Variants in KCNH1 observed in about 807,000 individuals in gnomAD.
KCNH1 encodes the protein potassium voltage-gated channel subfamily H member 1, also known as voltage-gated delayed rectifier potassium channel KCNH1.
Under a neutral mutation model 69.2 loss-of-function variants are expected in KCNH1, and 27 were observed. The observed-to-expected ratio is 0.39, with a 90% CI of 0.29 to 0.54. The LOEUF is 0.54. Among genes scored for constraint, KCNH1 ranks in the 20% least tolerant of loss-of-function variants. KCNH1 has a pLI of 0.68. For synonymous variants in KCNH1, 456 were observed against 487.7 expected, an observed-to-expected ratio of 0.93 and a Z score of 0.86; for missense variants, 798 against 1,261.6, an observed-to-expected ratio of 0.63 and a Z score of 5.57.
At chr1:211,119,822 T>C (rs1315926156) in intron 1 of KCNH1, among the ~76,000 whole-genome samples, 1 of 152,240 alleles carries the variant, frequency 6.6e-6, no homozygotes, top group Non-Finnish European at 1.5e-5. Flanking sequence ...CCTACAGAAA[T>C]ACATTTTTTA....
At chr1:210,963,527 G>A (rs931732630) in intron 6 of KCNH1, among the ~76,000 whole-genome samples, 1 of 152,070 alleles carries the variant, frequency 6.6e-6, no homozygotes, top group Non-Finnish European at 1.5e-5. Context: ...ATGCAAGGAA[G>A]CTAAGAACCT....
intron 7 of KCNH1, among the ~76,000 whole-genome samples, chr1:210,836,867 C>T (rs1431530689): frequency 1.3e-5 from 2 of 152,142 alleles, no homozygotes; most frequent in Admixed American, 6.6e-5. Context: ...AAAGCTGGAA[C>T]CACTGCTTCA....
chr1:210,742,615 T>C lies in KCNH1; in HGVS notation c.2112+32733A>G, dbSNP rs182842251. Among the ~76,000 whole-genome samples the C allele has an allele frequency of 3.9e-5, 6 of 152,278 alleles. No homozygotes were observed. In the East Asian group the frequency reaches 9.7e-4, roughly 24 times the overall value. On this transcript the variant is annotated intron_variant, in intron 10 of 10. Transcript: ENST00000271751. ...TCTTAGACTACTGCCTCATGCACTTTCCCAGAAAAGAATGATAAATTCAAA... is the reference window on the plus strand; with the variant it reads ...TCTTAGACTACTGCCTCATGCACTTCCCCAGAAAAGAATGATAAATTCAAA...
intron 7 of KCNH1, among the ~76,000 whole-genome samples, chr1:210,806,836 A>AAAAATATATATATATATATATAT (rs1553346591): frequency 1.2e-5 from 1 of 85,642 alleles, no homozygotes; most frequent in Non-Finnish European, 2.2e-5. Flanking sequence ...AAAAAAAAAA[A>AAAAATATATATATATATATATAT]ATATATATAT....
At chr1:211,090,966 C>T (rs989424292) in intron 3 of KCNH1, among the ~76,000 whole-genome samples, 31 of 151,964 alleles carry the variant, frequency 2.0e-4, no homozygotes, top group Non-Finnish European at 2.9e-5. Flanking sequence ...GGTTGAGAAC[C>T]CCACCAGATG....
intron 6 of KCNH1, among the ~76,000 whole-genome samples, chr1:210,946,001 G>A (rs1375072856): frequency 6.6e-6 from 1 of 152,150 alleles, no homozygotes; most frequent in Non-Finnish European, 1.5e-5. Flanking sequence ...AGGAACTACT[G>A]TGTCCTCAGC....
intron 7 of KCNH1, among the ~76,000 whole-genome samples, chr1:210,871,986 GT>G (rs1686259336): frequency 6.6e-6 from 1 of 151,406 alleles, no homozygotes; most frequent in Non-Finnish European, 1.5e-5. Flanking sequence ...GCACCAGCAT[GT>G]CACATGTATA....
chr1:210,942,429 C>T (rs1186138059), intron 6 of KCNH1, among the ~76,000 whole-genome samples: 1 of 152,088 alleles, frequency 6.6e-6, no homozygotes, highest in Non-Finnish European at 1.5e-5. Context: ...AGGGCTAATG[C>T]CCATAAAAGT....
At chr1:210,962,761 G>A (rs1262738720) in intron 6 of KCNH1, among the ~76,000 whole-genome samples, 2 of 151,438 alleles carry the variant, frequency 1.3e-5, no homozygotes, top group African/African-American at 2.4e-5. Context: ...CTCTAGGCAT[G>A]AGTCTCATAC....
intron 7 of KCNH1, among the ~76,000 whole-genome samples, chr1:210,810,532 AGATT>A (rs1482918217): frequency 6.6e-6 from 1 of 152,022 alleles, no homozygotes; most frequent in African/African-American, 2.4e-5. Context: ...TTGGACTCCT[AGATT>A]GATCTCATTT....
chr1:210,930,577 G>A (rs1300830709), intron 6 of KCNH1, among the ~76,000 whole-genome samples: 1 of 151,970 alleles, frequency 6.6e-6, no homozygotes, highest in Non-Finnish European at 1.5e-5. Flanking sequence ...AAACCATAAA[G>A]AGTCTAGAAG....
intron 10 of KCNH1, among the ~76,000 whole-genome samples, chr1:210,702,669 TC>T (rs1001273344): frequency 6.6e-6 from 1 of 152,246 alleles, no homozygotes; most frequent in Admixed American, 6.5e-5. Context: ...AATCTTACTA[TC>T]CCATATAAGG....
At chr1:211,070,245 C>T (rs984537332) in intron 5 of KCNH1, among the ~76,000 whole-genome samples, 5 of 151,416 alleles carry the variant, frequency 3.3e-5, no homozygotes, top group Admixed American at 2.0e-4. Flanking sequence ...AGTGAAACCC[C>T]GTCTCTACTA....
intron 7 of KCNH1, among the ~76,000 whole-genome samples, chr1:210,885,835 C>T (rs768101805): frequency 6.6e-6 from 1 of 152,186 alleles, no homozygotes; most frequent in Non-Finnish European, 1.5e-5. Flanking sequence ...AGCCAGACTG[C>T]CTCTCTAGAT....
chr1:211,060,023 T>C (rs921088937), intron 5 of KCNH1, among the ~76,000 whole-genome samples: 1 of 152,146 alleles, frequency 6.6e-6, no homozygotes, highest in African/African-American at 2.4e-5. Context: ...ATTTAAATTA[T>C]ATCAAGTATC....
At chr1:210,835,614 C>A (rs1283066339) in intron 7 of KCNH1, among the ~76,000 whole-genome samples, 1 of 152,026 alleles carries the variant, frequency 6.6e-6, no homozygotes, top group East Asian at 1.9e-4. Flanking sequence ...TAGACCATAC[C>A]AACAGAACCA....
At chr1:210,721,268 A>C (rs527668570) in intron 10 of KCNH1, among the ~76,000 whole-genome samples, 1 of 152,220 alleles carries the variant, frequency 6.6e-6, no homozygotes, top group East Asian at 1.9e-4. Context: ...TAACCTGCAT[A>C]ACCCAGGCCC....
intron 7 of KCNH1, among the ~76,000 whole-genome samples, chr1:210,809,144 G>C (rs1047762830): frequency 6.9e-6 from 1 of 144,454 alleles, no homozygotes; most frequent in Non-Finnish European, 1.5e-5. Context: ...CCCTTAATTA[G>C]AAATAGCTAT....
chr1:211,118,865 T>C (rs539888018), intron 1 of KCNH1, among the ~76,000 whole-genome samples: 1 of 152,310 alleles, frequency 6.6e-6, no homozygotes, highest in South Asian at 2.1e-4. Context: ...AGTTTGGCAA[T>C]TACGCAGATA....
Sources: allele counts gnomAD v4.1 joint callset (sites outside exome capture counted in the v4.1 genomes callset), GRCh38; gene constraint gnomAD v4.1.1; transcripts MANE v1.5; gene names NCBI Gene and HGNC (gene_info 2026-07-23, HGNC 2026-07-21).